The following WDR11 variants were observed in gnomAD, a reference collection of about 807,000 sequenced individuals.
WDR11 encodes WD repeat-containing protein 11.
WDR11 carries 83 observed loss-of-function variants against 151.2 expected under a neutral mutation model. That is an observed-to-expected ratio of 0.55 (90% CI 0.46 to 0.66). WDR11 has a LOEUF of 0.66. Among genes scored for constraint, WDR11 ranks in the 30% least tolerant of loss-of-function variants. The probability of loss-of-function intolerance (pLI) is 0.00; values close to 1 mark genes in which losing one functional copy is unlikely to be tolerated. For missense variants in WDR11, 1,301 were observed against 1,480.9 expected (o/e 0.88, Z 1.99); for synonymous variants, 484 against 533.1 (o/e 0.91, Z 1.27).
intron 12 of WDR11, 85 bp from the exon 13 acceptor site, chr10:120,880,741 T>A (rs1450376794): frequency 8.7e-7 from 1 of 1,149,362 alleles, no homozygotes; most frequent in Non-Finnish European, 1.3e-6. Flanking sequence ...TGGGTAGGAC[T>A]GATCAAATTA....
At chr10:120,867,615 G>A (rs74158334) in intron 9 of WDR11, among the ~76,000 whole-genome samples, 9,330 of 152,172 alleles carry the variant, frequency 0.061, 959 homozygotes, top group African/African-American at 0.21. Flanking sequence ...TAATTTAAAT[G>A]CTCTTCTTTT....
intron 11 of WDR11, among the ~76,000 whole-genome samples, chr10:120,875,036 A>G (rs773157372): frequency 4.7e-5 from 7 of 150,084 alleles, no homozygotes; most frequent in African/African-American, 1.5e-4. Context: ...TCATCGTTCA[A>G]CTCCCACTTA....
intron 18 of WDR11, among the ~76,000 whole-genome samples, 178 bp downstream of exon 18, chr10:120,890,187 G>GATTTATTT (rs71929750): frequency 6.6e-6 from 1 of 150,952 alleles, no homozygotes; most frequent in African/African-American, 2.4e-5. Context: ...AACAACTCAA[G>GATTTATTT]ATTTATTTAT....
chr10:120,905,303 C>T lies in WDR11; in HGVS notation c.3194-16C>T, dbSNP rs374478369. Reference sequence around the variant, plus strand: ...AGCTGCAGTGTCACTTAAGGGGATGCGCTTTTGTCTTTCAGAGGGCGTTCA... The same window carrying T: ...AGCTGCAGTGTCACTTAAGGGGATGTGCTTTTGTCTTTCAGAGGGCGTTCA... On this transcript the variant is annotated splice_polypyrimidine_tract_variant and intron_variant, in intron 25 of 28. Transcript: ENST00000263461. 57 of 1,613,062 alleles carry T rather than the reference C, an allele frequency of 3.5e-5. No individual in the cohort carries two copies. The East Asian group carries it at 4.0e-4, about 11-fold the overall frequency.
intron 13 of WDR11, among the ~76,000 whole-genome samples, chr10:120,882,482 G>A (rs918342049): frequency 5.3e-5 from 8 of 150,594 alleles, no homozygotes; most frequent in African/African-American, 1.7e-4. Context: ...AAATTTATTA[G>A]GAAACCCATC....
At chr10:120,863,274 T>G (rs1846200109) in intron 5 of WDR11, among the ~76,000 whole-genome samples, 1 of 152,236 alleles carries the variant, frequency 6.6e-6, no homozygotes, top group Non-Finnish European at 1.5e-5. Flanking sequence ...AAATACATTT[T>G]CCTGACTTAG....
intron 11 of WDR11, among the ~76,000 whole-genome samples, chr10:120,874,869 A>C (rs750934364): frequency 6.6e-6 from 1 of 151,404 alleles, no homozygotes; most frequent in Non-Finnish European, 1.5e-5. Context: ...ACATAGATAT[A>C]CATGTGCCTT....
Position 120,889,180 on chromosome 10 carries a change from TC to T in WDR11, c.2226del (p.Arg743GlufsTer10). On this transcript the variant is annotated frameshift_variant, in exon 17 of 29. Transcript: ENST00000263461. LOFTEE classifies it high-confidence loss of function. Reference protein sequence around the residue: ...LNFWDLKGRVSRGIPTHRSWV... With the variant: ...LNFWDLKGRVXRGIPTHRSWV... ...TTTCTGGGACTTGAAAGGCAGAGTA[TC>T]CAGGTATAAGCCAAGAATGAAATCT... The T allele has an allele frequency of 6.3e-7, 1 of 1,593,628 alleles. No individual in the cohort carries two copies. Among genetic ancestry groups the T allele is most frequent in the Non-Finnish European group, 8.6e-7 (1 of 1,161,516 alleles).
chr10:120,855,526 G>C (rs1346256126), intron 2 of WDR11, among the ~76,000 whole-genome samples: 1 of 151,696 alleles, frequency 6.6e-6, no homozygotes, highest in Non-Finnish European at 1.5e-5. Context: ...TTATTATTTT[G>C]TATTGTTGTT....
chr10:120,857,217 T>G (rs1394818975), intron 2 of WDR11, among the ~76,000 whole-genome samples: 2 of 152,206 alleles, frequency 1.3e-5, no homozygotes, highest in Non-Finnish European at 1.5e-5. Flanking sequence ...AATGTGGTAC[T>G]AAATAAATCA....
At position 120,908,554 on chromosome 10, in the gene WDR11, A is replaced by G. The variant is rs1394520526; in HGVS notation, c.3518-2A>G. 1.9e-6 allele frequency: 3 copies of G among 1,614,182 alleles called. No homozygotes were observed. The highest frequency in any genetic ancestry group is 2.5e-6 in the Non-Finnish European group (3 of 1,180,020). The stretch of plus-strand genomic sequence containing the variant: ...CTCTTCTTTTCCTTAACTATGGTTT[A>G]CAGAAACTCATCACTGCTATATATG... On this transcript the variant is annotated splice_acceptor_variant, in intron 28 of 28. Coordinates refer to ENST00000263461, the MANE Select transcript of WDR11 (RefSeq NM_018117.12). LOFTEE classifies it high-confidence loss of function.
At chr10:120,862,520 T>C (rs1686734575) in intron 4 of WDR11, 4 of 539,598 alleles carry the variant, frequency 7.4e-6, no homozygotes, top group African/African-American at 5.7e-5. Context: ...TAAGACATAA[T>C]ATAGAATGCC....
chr10:120,872,329 A>G (rs770520408), intron 10 of WDR11, among the ~76,000 whole-genome samples: 1 of 152,212 alleles, frequency 6.6e-6, no homozygotes, highest in Non-Finnish European at 1.5e-5. Context: ...CTGTTGATTA[A>G]TATTTCACCA....
intron 9 of WDR11, among the ~76,000 whole-genome samples, chr10:120,870,631 A>T (rs1846502128): frequency 6.6e-6 from 1 of 152,174 alleles, no homozygotes; most frequent in South Asian, 2.1e-4. Flanking sequence ...TTTGTTTTAT[A>T]TTTACTTATA....
chr10:120,868,387 G>A (rs904633954), intron 9 of WDR11, among the ~76,000 whole-genome samples: 2 of 151,966 alleles, frequency 1.3e-5, no homozygotes, highest in Admixed American at 6.6e-5. Context: ...CTGGGAGGCG[G>A]TGGAGGTTGC....
chr10:120,860,978 C>G (rs1846116674), intron 4 of WDR11, among the ~76,000 whole-genome samples: 1 of 152,140 alleles, frequency 6.6e-6, no homozygotes, highest in Non-Finnish European at 1.5e-5. Flanking sequence ...ATATCATAAA[C>G]TGTGACCACA....
intron 28 of WDR11, chr10:120,908,076 TA>T (rs1172141999): frequency 1.1e-5 from 2 of 184,616 alleles, no homozygotes; most frequent in Non-Finnish European, 2.3e-5. Flanking sequence ...ATAGGCTGTT[TA>T]AAAAAATAAA....
chr10:120,866,035 A>G (rs1238586219), intron 7 of WDR11, among the ~76,000 whole-genome samples: 1 of 151,940 alleles, frequency 6.6e-6, no homozygotes, highest in East Asian at 1.9e-4. Context: ...TTTCAGTACA[A>G]GTCCAACCTT....
In WDR11 at chr10:120,873,847, A is replaced by G. The variant is rs1021402318; in HGVS notation, c.1480A>G (p.Asn494Asp). Reference protein sequence around the residue: ...YQPLLAVGTSNGSVLVYHLTS... With the variant: ...YQPLLAVGTSDGSVLVYHLTS... Reference sequence around the variant, plus strand: ...TGATGTCATTTTGAAAGGTACAAGTAATGGTTCTGTCCTGGTGTACCATCT... The same window carrying G: ...TGATGTCATTTTGAAAGGTACAAGTGATGGTTCTGTCCTGGTGTACCATCT... Residue 494 changes from asparagine to aspartate, a missense_variant, in exon 11 of 29, where the codon AAT becomes GAT. Around this residue, in one of 3 missense-constraint regions of WDR11, gnomAD observed 692 missense variants for 762.5 expected, o/e 0.91. Coordinates refer to ENST00000263461, the MANE Select transcript of WDR11 (RefSeq NM_018117.12). The G allele has an allele frequency of 9.3e-6, 15 of 1,611,172 alleles. No homozygotes were observed. The highest frequency in any genetic ancestry group is 2.2e-5 in the East Asian group (1 of 44,860).
Sources: allele counts gnomAD v4.1 joint callset (sites outside exome capture counted in the v4.1 genomes callset), GRCh38; gene constraint gnomAD v4.1.1; regional missense constraint gnomAD v4.1.1; transcripts MANE v1.5; gene names NCBI Gene and HGNC (gene_info 2026-07-23, HGNC 2026-07-21).